Variants in PIGL observed in about 807,000 individuals in gnomAD.
PIGL encodes phosphatidylinositol glycan anchor biosynthesis class L.
In PIGL, 22 loss-of-function variants were observed where a neutral mutation model predicts 31.1. The ratio of observed to expected loss-of-function variants is 0.71; its 90% CI spans 0.51 to 1.01. The LOEUF (loss-of-function observed/expected upper bound fraction) is 1.01. Ranked by LOEUF, PIGL falls within the 50% of genes least tolerant of loss-of-function variation. PIGL has a pLI of 0.00. For synonymous variants in PIGL, 131 were observed against 117.4 expected, an observed-to-expected ratio of 1.12 and a Z score of -0.75; for missense variants, 302 against 315.9, an observed-to-expected ratio of 0.96 and a Z score of 0.33.
Position 16,271,427 on chromosome 17 carries a change from G to A in PIGL, c.336-28461G>A, listed in dbSNP as rs117466393. ...GAATAATTGTCCTGCAAATAGGTAC[G>A]TACCCTAAATAGGGTTACAGATAAA... On this transcript the variant is annotated intron_variant, in intron 2 of 6. Coordinates refer to ENST00000225609, the MANE Select transcript of PIGL (RefSeq NM_004278.4). 3.9e-5 allele frequency among the ~76,000 whole-genome samples: 6 copies of A among 152,232 alleles called. No individual in the cohort carries two copies. The South Asian group carries it at 6.2e-4, about 16-fold the overall frequency.
chr17:16,239,918 C>T (rs2092715734), intron 2 of PIGL, among the ~76,000 whole-genome samples: 1 of 151,996 alleles, frequency 6.6e-6, no homozygotes, highest in African/African-American at 2.4e-5. Flanking sequence ...CCATGCCTGG[C>T]TTATTTTTTA....
At chr17:16,290,396 C>G (rs757450552) in intron 2 of PIGL, among the ~76,000 whole-genome samples, 3 of 151,014 alleles carry the variant, frequency 2.0e-5, no homozygotes, top group Non-Finnish European at 4.4e-5. Context: ...ACTCCTCTTC[C>G]CTTCTCTCTC....
intron 1 of PIGL, chr17:16,217,902 A>G (rs2092601548): frequency 6.5e-6 from 1 of 153,708 alleles, no homozygotes; most frequent in South Asian, 2.0e-4. Flanking sequence ...CTGCCTTTAA[A>G]ATGCAGCTTG....
chr17:16,316,613 G>A, intron 4 of PIGL, 68 bp from the exon 5 acceptor site: 1 of 1,489,804 alleles, frequency 6.7e-7, no homozygotes, highest in Admixed American at 1.8e-5. Flanking sequence ...TTCCTCTGAA[G>A]GCCCCTCCTG....
Position 16,313,667 on chromosome 17 carries a change from G to T in PIGL, c.494+53G>T, listed in dbSNP as rs2093064479. 5.8e-6 allele frequency: 8 copies of T among 1,369,936 alleles called. No homozygotes were observed. The East Asian group carries it at 9.2e-5, about 16-fold the overall frequency. The allele number at this position is 1,369,936 out of a possible 1,614,324, so 84.9% of individuals were successfully genotyped here. A position where few individuals can be genotyped will look rare whatever the true frequency, so the allele number is the denominator to read the frequency against. ...GGGAGGGTTTGTTTATTTGATTAGG[G>T]CTCATGGTTTAAAGTCTAAAGCACT... On this transcript the variant is annotated intron_variant, in intron 4 of 6. Coordinates refer to ENST00000225609, the MANE Select transcript of PIGL (RefSeq NM_004278.4).
At chr17:16,317,721 A>T in intron 5 of PIGL, 54 bp from the exon 6 acceptor site, 1 of 1,609,164 alleles carries the variant, frequency 6.2e-7, no homozygotes, top group Non-Finnish European at 8.5e-7. Context: ...TCAGGGGAAA[A>T]TCTGGCTGGA....
At chr17:16,217,631 CTGGTGGGTTGGGGG>C in intron 1 of PIGL, 170 bp downstream of exon 1, 2 of 542,310 alleles carry the variant, frequency 3.7e-6, no homozygotes, top group South Asian at 2.9e-5. Flanking sequence ...GCCGGCTTAC[CTGGTGGGTTGGGGG>C]ACGTCGGCAG....
intron 2 of PIGL, among the ~76,000 whole-genome samples, chr17:16,262,147 C>T (rs1048436677): frequency 6.6e-6 from 1 of 151,994 alleles, no homozygotes; most frequent in African/African-American, 2.4e-5. Flanking sequence ...CACTTGAACC[C>T]GGGAAGCAGA....
intron 6 of PIGL, among the ~76,000 whole-genome samples, chr17:16,319,507 C>T (rs541047548): frequency 6.6e-6 from 1 of 152,198 alleles, no homozygotes; most frequent in East Asian, 1.9e-4. Context: ...GTAATCCTAA[C>T]ACTTTGGGAG....
At chr17:16,304,647 A>G (rs2093019211) in intron 3 of PIGL, among the ~76,000 whole-genome samples, 2 of 152,198 alleles carry the variant, frequency 1.3e-5, no homozygotes, top group African/African-American at 4.8e-5. Flanking sequence ...CAAAGCTACC[A>G]TCCTTGGAAA....
At chr17:16,275,652 C>T (rs2092891866) in intron 2 of PIGL, among the ~76,000 whole-genome samples, 1 of 152,140 alleles carries the variant, frequency 6.6e-6, no homozygotes, top group South Asian at 2.1e-4. Context: ...GTGACTTCTT[C>T]AGGCTGAATA....
intron 3 of PIGL, among the ~76,000 whole-genome samples, chr17:16,310,362 C>G (rs529031588): frequency 6.6e-6 from 1 of 151,136 alleles, no homozygotes; most frequent in South Asian, 2.1e-4. Flanking sequence ...ATGTACTTAT[C>G]TTTTCAAATA....
chr17:16,282,151 T>C (rs1600818690), intron 2 of PIGL: 1 of 437,190 alleles, frequency 2.3e-6, no homozygotes, highest in East Asian at 7.0e-5. Flanking sequence ...TCCTGGGAAT[T>C]AGCACATATC....
At chr17:16,222,126 A>G (rs1441971126) in intron 1 of PIGL, among the ~76,000 whole-genome samples, 1 of 152,116 alleles carries the variant, frequency 6.6e-6, no homozygotes, top group Admixed American at 6.6e-5. Context: ...CTGATTTAAC[A>G]TTTTAATATA....
chr17:16,289,951 T>C (rs1166469050), intron 2 of PIGL, among the ~76,000 whole-genome samples: 1 of 150,390 alleles, frequency 6.6e-6, no homozygotes, highest in Non-Finnish European at 1.5e-5. Flanking sequence ...TAATTTTGTG[T>C]TTTTAGTAGA....
chr17:16,236,933 T>C (rs1265860605), intron 2 of PIGL, among the ~76,000 whole-genome samples: 1 of 151,812 alleles, frequency 6.6e-6, no homozygotes, highest in Non-Finnish European at 1.5e-5. Flanking sequence ...AGATGTATGT[T>C]TTTTATGTGC....
At chr17:16,271,311 G>T (rs1224511188) in intron 2 of PIGL, among the ~76,000 whole-genome samples, 5 of 152,172 alleles carry the variant, frequency 3.3e-5, no homozygotes, top group Non-Finnish European at 7.3e-5. Flanking sequence ...TTCATGCTCT[G>T]ACCCTCAGGC....
chr17:16,260,070 C>T (rs2142747278), intron 2 of PIGL, among the ~76,000 whole-genome samples: 1 of 152,344 alleles, frequency 6.6e-6, no homozygotes, highest in Middle Eastern at 3.4e-3. Context: ...CCCCTGCCAA[C>T]TTGGCCCTCT....
intron 2 of PIGL, among the ~76,000 whole-genome samples, chr17:16,291,364 G>A (rs1438987761): frequency 6.6e-6 from 1 of 150,578 alleles, no homozygotes; most frequent in Non-Finnish European, 1.5e-5. Flanking sequence ...AAAATTAGTC[G>A]AGCGTGGTGG....
Sources: allele counts gnomAD v4.1 joint callset (sites outside exome capture counted in the v4.1 genomes callset), GRCh38; gene constraint gnomAD v4.1.1; transcripts MANE v1.5; gene names NCBI Gene and HGNC (gene_info 2026-07-23, HGNC 2026-07-21).